Variants in NEMP2 observed in about 807,000 individuals in gnomAD.
The protein encoded by NEMP2 is nuclear envelope integral membrane protein 2, also known as UPF0571 transmembrane protein.
A neutral mutation model predicts 54.2 loss-of-function variants in NEMP2; 53 were observed. The ratio of observed to expected loss-of-function variants is 0.98; its 90% CI spans 0.78 to 1.23. The LOEUF (loss-of-function observed/expected upper bound fraction) is 1.23. Ranked by LOEUF, NEMP2 falls within the 50% of genes most tolerant of loss-of-function variation. The probability of loss-of-function intolerance (pLI) is 0.00; values close to 1 mark genes in which losing one functional copy is unlikely to be tolerated. For synonymous variants in NEMP2, 197 were observed against 190.3 expected (o/e 1.04, Z -0.29); for missense variants, 455 against 511.3 (o/e 0.89, Z 1.06).
At position 190,510,222 on chromosome 2, in the gene NEMP2, GA is replaced by G; in HGVS notation, c.1130+138del. On this transcript the variant is annotated intron_variant, in intron 8 of 8. Transcript: ENST00000409150. This position sits in a 1 kb window ranked among gnomAD's most constrained non-coding sequence, Gnocchi z 5.7. Reference sequence around the variant, plus strand: ...GCAAAGTCACAGTACTGAGAAAAGGGACCTCTGACAACTTCCACATCATCTG... The same window carrying G: ...GCAAAGTCACAGTACTGAGAAAAGGGCCTCTGACAACTTCCACATCATCTG... The G allele has an allele frequency of 1.1e-6, 1 of 939,380 alleles. No individual in the cohort carries two copies. The highest frequency in any genetic ancestry group is 1.7e-5 in the South Asian group (1 of 57,598). 58.2% of individuals were successfully genotyped at this position (939,380 alleles called of 1,614,324 possible). A position where few individuals can be genotyped will look rare whatever the true frequency, so the allele number is the denominator to read the frequency against.
intron 1 of NEMP2, 54 bp downstream of exon 1, chr2:190,534,505 G>T: frequency 7.5e-7 from 1 of 1,337,836 alleles, no homozygotes; most frequent in South Asian, 1.9e-5. Flanking sequence ...GGGCAGCCGC[G>T]AAGCCGGGGA....
the NEMP2 span, among the ~76,000 whole-genome samples, chr2:190,465,994 C>T: frequency 6.6e-6 from 1 of 152,156 alleles, no homozygotes; most frequent in African/African-American, 2.4e-5. This position sits in a 1 kb window ranked among gnomAD's most constrained non-coding sequence, Gnocchi z 4.6. Flanking sequence ...TTTATTTCTT[C>T]ACAGTTCTGG....
At chr2:190,548,153 C>T in the NEMP2 span, among the ~76,000 whole-genome samples, 1 of 152,090 alleles carries the variant, frequency 6.6e-6, no homozygotes, top group Admixed American at 6.5e-5. Flanking sequence ...CTCTCCTAAC[C>T]ACATTGTGGT....
the NEMP2 span, among the ~76,000 whole-genome samples, chr2:190,591,086 A>G: frequency 2.0e-5 from 3 of 152,114 alleles, no homozygotes; most frequent in Admixed American, 1.3e-4. The surrounding 1 kb of genome is among the most constrained non-coding windows in gnomAD (Gnocchi z 5.4). Context: ...ACATTTTGAC[A>G]AAAAAAGGAA....
At chr2:190,567,054 T>C in the NEMP2 span, among the ~76,000 whole-genome samples, 555 of 151,918 alleles carry the variant, frequency 3.7e-3, 5 homozygotes, top group Non-Finnish European at 3.0e-3. This position sits in a 1 kb window ranked among gnomAD's most constrained non-coding sequence, Gnocchi z 4.0. Flanking sequence ...CTATAGAAAA[T>C]AGAAAAATAC....
At chr2:190,637,095 G>A in the NEMP2 span, among the ~76,000 whole-genome samples, 1 of 152,202 alleles carries the variant, frequency 6.6e-6, no homozygotes, top group Non-Finnish European at 1.5e-5. This position sits in a 1 kb window ranked among gnomAD's most constrained non-coding sequence, Gnocchi z 4.5. Context: ...GTCTGACAGG[G>A]AGATCCTGGA....
the NEMP2 span, among the ~76,000 whole-genome samples, chr2:190,640,489 AATAG>A: frequency 6.6e-6 from 1 of 152,226 alleles, no homozygotes; most frequent in Non-Finnish European, 1.5e-5. Flanking sequence ...AAAATACAAT[AATAG>A]ATAGAAAACT....
At position 190,523,263 on chromosome 2, in the gene NEMP2, T is replaced by A. The variant is rs1248232008; in HGVS notation, c.213+2000A>T. 1.3e-5 allele frequency among the ~76,000 whole-genome samples: 2 copies of A among 152,148 alleles called. No homozygotes were observed. Among genetic ancestry groups the A allele is most frequent in the Non-Finnish European group, 1.5e-5 (1 of 68,028 alleles). On this transcript the variant is annotated intron_variant, in intron 2 of 8. Transcript: ENST00000409150. This position sits in a 1 kb window ranked among gnomAD's most constrained non-coding sequence, Gnocchi z 5.3. ...AATACACAACCTCCGAAAAAGATTT[T>A]AAAAAAACACTATAAATAAATATTG...
At chr2:190,499,357 T>A (rs1389832848), downstream of NEMP2, among the ~76,000 whole-genome samples, 2 of 151,392 alleles carry the variant, frequency 1.3e-5, no homozygotes, top group Admixed American at 6.6e-5. This position sits in a 1 kb window ranked among gnomAD's most constrained non-coding sequence, Gnocchi z 6.0. Context: ...TCCATTTAAA[T>A]TTTTTTTTAT....
chr2:190,439,332 T>C, the NEMP2 span, among the ~76,000 whole-genome samples: 1 of 152,090 alleles, frequency 6.6e-6, no homozygotes, highest in Non-Finnish European at 1.5e-5. This position sits in a 1 kb window ranked among gnomAD's most constrained non-coding sequence, Gnocchi z 5.8. Flanking sequence ...ACAGAGTATG[T>C]GTTTAGGTTC....
chr2:190,448,291 A>C, the NEMP2 span, among the ~76,000 whole-genome samples: 1 of 152,176 alleles, frequency 6.6e-6, no homozygotes, highest in Non-Finnish European at 1.5e-5. Context: ...ATGGCCTAAA[A>C]ATTACATTTT....
the NEMP2 span, among the ~76,000 whole-genome samples, chr2:190,618,599 G>A: frequency 6.6e-6 from 1 of 151,922 alleles, no homozygotes; most frequent in East Asian, 1.9e-4. Flanking sequence ...ATTTTTAATT[G>A]AGACAAGTCT....
At chr2:190,640,787 A>ATTTTTTTTTTT in the NEMP2 span, among the ~76,000 whole-genome samples, 3 of 118,026 alleles carry the variant, frequency 2.5e-5, no homozygotes, top group African/African-American at 1.0e-4. Context: ...AACACATTCA[A>ATTTTTTTTTTT]TTTTTTTTTT....
At chr2:190,524,129 A>G (rs1690849239) in intron 2 of NEMP2, among the ~76,000 whole-genome samples, 1 of 152,014 alleles carries the variant, frequency 6.6e-6, no homozygotes, top group African/African-American at 2.4e-5. Context: ...AGGTGGGAGA[A>G]TCACCTGAGC....
the NEMP2 span, chr2:190,488,877 C>T: frequency 8.5e-6 from 12 of 1,413,448 alleles, no homozygotes; most frequent in Non-Finnish European, 1.0e-5. This position sits in a 1 kb window ranked among gnomAD's most constrained non-coding sequence, Gnocchi z 6.4. Context: ...TTTTTTCCAG[C>T]AATACCTCAA....
chr2:190,436,816 A>C, the NEMP2 span: 1 of 1,614,214 alleles, frequency 6.2e-7, no homozygotes, highest in South Asian at 1.1e-5. The surrounding 1 kb of genome is among the most constrained non-coding windows in gnomAD (Gnocchi z 5.3). Flanking sequence ...AACCACTGTT[A>C]TTGTTACCAC....
chr2:190,543,974 G>C, the NEMP2 span, among the ~76,000 whole-genome samples: 3 of 152,156 alleles, frequency 2.0e-5, no homozygotes, highest in African/African-American at 2.4e-5. The surrounding 1 kb of genome is among the most constrained non-coding windows in gnomAD (Gnocchi z 4.7). Context: ...CTTTCACTTA[G>C]CTTTTAGGTA....
the NEMP2 span, among the ~76,000 whole-genome samples, chr2:190,550,121 C>G: frequency 6.6e-6 from 1 of 152,142 alleles, no homozygotes; most frequent in Non-Finnish European, 1.5e-5. This position sits in a 1 kb window ranked among gnomAD's most constrained non-coding sequence, Gnocchi z 4.7. Context: ...CCCAGGTATA[C>G]AGTAGATGAC....
chr2:190,485,677 T>C, the NEMP2 span, among the ~76,000 whole-genome samples: 1 of 152,178 alleles, frequency 6.6e-6, no homozygotes. The surrounding 1 kb of genome is among the most constrained non-coding windows in gnomAD (Gnocchi z 5.1). Context: ...CATTATTCAA[T>C]TCTGAGAAAG....
Sources: allele counts gnomAD v4.1 joint callset (sites outside exome capture counted in the v4.1 genomes callset), GRCh38; gene constraint gnomAD v4.1.1; non-coding constraint Gnocchi (gnomAD v3.1); transcripts MANE v1.5; gene names NCBI Gene and HGNC (gene_info 2026-07-23, HGNC 2026-07-21).